Variants in DDX52 observed in about 807,000 individuals in gnomAD.
DDX52 encodes the protein probable ATP-dependent RNA helicase DDX52.
Under a neutral mutation model 76.1 loss-of-function variants are expected in DDX52, and 59 were observed. That is an observed-to-expected ratio of 0.78 (90% CI 0.63 to 0.96). DDX52 has a LOEUF of 0.96. Among genes scored for constraint, DDX52 ranks in the 40% least tolerant of loss-of-function variants. DDX52 has a pLI of 0.00. For synonymous variants in DDX52, 231 were observed against 244.1 expected (o/e 0.95, Z 0.50); for missense variants, 707 against 703.9 (o/e 1.00, Z -0.05).
rs914583259 is a variant in DDX52, at chr17:37,613,247, T to C, written c.*1049A>G. 2 of 152,214 alleles carry C rather than the reference T, an allele frequency of 1.3e-5. No homozygotes were observed. Among genetic ancestry groups the C allele is most frequent in the Admixed American group, 1.3e-4 (2 of 15,278 alleles). 9.4% of individuals were successfully genotyped at this position (152,214 alleles called of 1,614,324 possible). The stretch of plus-strand genomic sequence containing the variant: ...CAAAACTCATATTTTGAGAAAAATC[T>C]AATAGCTAATAGTCTCCAACACCAT... On this transcript the variant is annotated 3_prime_UTR_variant, in exon 15 of 15. Coordinates refer to ENST00000617633, the MANE Select transcript of DDX52 (RefSeq NM_007010.5).
At chr17:37,622,269 G>A (rs550945993) in intron 9 of DDX52, among the ~76,000 whole-genome samples, 3 of 150,434 alleles carry the variant, frequency 2.0e-5, no homozygotes, top group African/African-American at 4.9e-5. Flanking sequence ...CTTTTTAACC[G>A]TTCATATTAG....
intron 14 of DDX52, 63 bp from the exon 15 acceptor site, chr17:37,614,416 C>A: frequency 6.7e-7 from 1 of 1,489,668 alleles, no homozygotes; most frequent in Non-Finnish European, 9.2e-7. Context: ...TTTCCATAAC[C>A]CTACCACCAG....
intron 14 of DDX52, chr17:37,614,914 T>C (rs1568596339): frequency 1.3e-5 from 2 of 152,326 alleles, no homozygotes; most frequent in Non-Finnish European, 2.9e-5. Flanking sequence ...ACTATTATTA[T>C]AGTAATACAA....
intron 8 of DDX52, among the ~76,000 whole-genome samples, chr17:37,624,898 TC>T (rs1323789619): frequency 6.6e-6 from 1 of 152,106 alleles, no homozygotes; most frequent in Non-Finnish European, 1.5e-5. Context: ...TAAATATTTT[TC>T]CCATTTAATT....
At chr17:37,625,438 T>C (rs2030316926) in intron 8 of DDX52, among the ~76,000 whole-genome samples, 2 of 152,214 alleles carry the variant, frequency 1.3e-5, no homozygotes, top group African/African-American at 4.8e-5. Context: ...GGTTACATAA[T>C]AATCCATCAG....
At chr17:37,634,694 C>T (rs764920605) in intron 2 of DDX52, among the ~76,000 whole-genome samples, 14 of 152,144 alleles carry the variant, frequency 9.2e-5, no homozygotes, top group Non-Finnish European at 1.5e-4. Flanking sequence ...ATAAAGATAG[C>T]CTTTCTCCCT....
rs1266646728 is a variant in DDX52, at chr17:37,628,427, GCTTTAGTTCTT to G, written c.859+123_859+133del. The G allele has an allele frequency of 2.2e-5, 15 of 675,560 alleles. No homozygotes were observed. In the African/African-American group the frequency reaches 2.4e-4, roughly 11 times the overall value. The allele number at this position is 675,560 out of a possible 1,614,324, so 41.8% of individuals were successfully genotyped here. On this transcript the variant is annotated intron_variant, in intron 6 of 14. Transcript: ENST00000617633. ...TTCTCAGTAGAGTGAGAAGGGGATC[GCTTTAGTTCTT>G]CTAAAATTCAAATTTTATACATACA...
rs778085402 is a variant in DDX52 at position 37,624,449 on chromosome 17, T to C, written c.1137-15A>G. On this transcript the variant is annotated splice_polypyrimidine_tract_variant and intron_variant, in intron 8 of 14. Transcript: ENST00000617633. ...CTGCAGAATTCCTGGGAAGAAAATA[T>C]ACCTTGTAGTTTGTAAGAGTTAATT... The C allele has an allele frequency of 1.9e-6, 3 of 1,564,236 alleles. No individual in the cohort carries two copies. The highest frequency in any genetic ancestry group is 8.7e-7 in the Non-Finnish European group (1 of 1,150,608).
rs2064312671 is a variant in DDX52, at chr17:37,610,483, A to G, written c.*3813T>C. ...GTCTGGAAGTAAAACATGAAAGTTG[A>G]GTAATTTTCTCAAGCACGTAGTTTG... is the stretch of plus-strand genomic sequence containing the variant. On this transcript the variant is annotated 3_prime_UTR_variant, in exon 15 of 15. Coordinates refer to ENST00000617633, the MANE Select transcript of DDX52 (RefSeq NM_007010.5). 1 of 151,892 alleles carries G rather than the reference A, an allele frequency of 6.6e-6. No individual in the cohort carries two copies. Among genetic ancestry groups the G allele is most frequent in the Non-Finnish European group, 1.5e-5 (1 of 67,986 alleles). The allele number at this position is 151,892 out of a possible 1,614,324, so 9.4% of individuals were successfully genotyped here.
rs1195237233 is a variant in DDX52 at position 37,613,531 on chromosome 17, C to T, written c.*765G>A. On this transcript the variant is annotated 3_prime_UTR_variant, in exon 15 of 15. Coordinates refer to ENST00000617633, the MANE Select transcript of DDX52 (RefSeq NM_007010.5). The stretch of plus-strand genomic sequence containing the variant: ...GATCTTGTACAACATTATGACAGCA[C>T]TAAGGTATTACGTATCCAATACAAG... 1 of 151,992 alleles carries T rather than the reference C, an allele frequency of 6.6e-6. No homozygotes were observed. Among genetic ancestry groups the T allele is most frequent in the Non-Finnish European group, 1.5e-5 (1 of 68,010 alleles). 9.4% of individuals were successfully genotyped at this position (151,992 alleles called of 1,614,324 possible).
chr17:37,617,141 T>C (rs903819096), intron 14 of DDX52, among the ~76,000 whole-genome samples: 5 of 152,252 alleles, frequency 3.3e-5, no homozygotes, highest in Non-Finnish European at 7.3e-5. Flanking sequence ...TTCATTTGTA[T>C]ACACTACCAC....
At chr17:37,617,507 T>TA (rs2029875667) in intron 14 of DDX52, among the ~76,000 whole-genome samples, 1 of 152,238 alleles carries the variant, frequency 6.6e-6, no homozygotes, top group South Asian at 2.1e-4. Context: ...GTATGAATGC[T>TA]AAAAAACTAT....
At chr17:37,642,447 G>A (rs955641355) in intron 1 of DDX52, 139 bp from the exon 2 acceptor site, 6 of 922,746 alleles carry the variant, frequency 6.5e-6, no homozygotes, top group Non-Finnish European at 8.1e-6. Flanking sequence ...TGGACAAATG[G>A]AATCTGAAGA....
intron 14 of DDX52, among the ~76,000 whole-genome samples, chr17:37,615,633 T>C (rs1305731697): frequency 6.6e-6 from 1 of 152,106 alleles, no homozygotes; most frequent in Admixed American, 6.5e-5. Context: ...TGAGCCCTGA[T>C]TGTGCCACTG....
Position 37,624,364 on chromosome 17 carries a change from C to T in DDX52, c.1207G>A (p.Val403Met), listed in dbSNP as rs7216445. ...VGSETGKLLA[V>M]RELVKKGFNP... ...TATACCTTTTTAACAAGTTCTCTCA[C>T]GGCCAGAAGTTTTCCGGTCTCAGAT... The change falls in exon 9 of 15, where the codon GTG becomes ATG. Residue 403 changes from valine to methionine, a missense_variant. By Grantham distance (21) the Val-to-Met change is conservative. Transcript: ENST00000617633. 387,615 of 1,606,690 alleles carry T rather than the reference C, an allele frequency of 0.24. 53,834 individuals are homozygous for T. Among genetic ancestry groups the T allele is most frequent in the African/African-American group, 0.52 (39,211 of 74,732 alleles).
chr17:37,635,227 T>C (rs1339554269), intron 2 of DDX52, among the ~76,000 whole-genome samples: 2 of 152,136 alleles, frequency 1.3e-5, no homozygotes, highest in Non-Finnish European at 2.9e-5. Context: ...TCAACTTCAC[T>C]GAGGCATAAA....
intron 6 of DDX52, 63 bp from the exon 7 acceptor site, chr17:37,626,923 T>G: frequency 7.3e-7 from 1 of 1,372,102 alleles, no homozygotes; most frequent in East Asian, 2.3e-5. Flanking sequence ...AACTAGGAAT[T>G]AAGCCTCCTC....
At chr17:37,621,837 CTTTT>C (rs1375315035) in intron 9 of DDX52, among the ~76,000 whole-genome samples, 1 of 152,142 alleles carries the variant, frequency 6.6e-6, no homozygotes, top group Non-Finnish European at 1.5e-5. Context: ...GCCTCAAAAC[CTTTT>C]TTTATTCTGC....
chr17:37,620,042 TGAATAACTATAGATA>T, intron 12 of DDX52: 2 of 507,782 alleles, frequency 3.9e-6, no homozygotes, highest in East Asian at 6.1e-5. Flanking sequence ...AATGCACTGA[TGAATAACTATAGATA>T]GCAGCTATTT....
Sources: allele counts gnomAD v4.1 joint callset (sites outside exome capture counted in the v4.1 genomes callset), GRCh38; gene constraint gnomAD v4.1.1; transcripts MANE v1.5; gene names NCBI Gene and HGNC (gene_info 2026-07-23, HGNC 2026-07-21).